GALNT17: variants seen among roughly 807,000 people sequenced by gnomAD.
GALNT17 encodes UDP-GalNAc:polypeptide N-acetylgalactosaminyltransferase-like 3.
GALNT17 carries 29 observed loss-of-function variants against 63.7 expected under a neutral mutation model. The ratio of observed to expected loss-of-function variants is 0.46; its 90% CI spans 0.34 to 0.62. The LOEUF (loss-of-function observed/expected upper bound fraction) is 0.62, where lower values mean the gene tolerates loss of function less well. Ranked by LOEUF, GALNT17 falls within the 20% of genes least tolerant of loss-of-function variation. The probability of loss-of-function intolerance (pLI) is 0.01; values close to 1 mark genes in which losing one functional copy is unlikely to be tolerated. For missense variants in GALNT17, 603 were observed against 799.6 expected (o/e 0.75, Z 2.97); for synonymous variants, 305 against 318.3 (o/e 0.96, Z 0.45).
intron 6 of GALNT17, among the ~76,000 whole-genome samples, chr7:71,596,189 C>A (rs2116926132): frequency 6.6e-6 from 1 of 152,228 alleles, no homozygotes; most frequent in East Asian, 1.9e-4. Flanking sequence ...CAGGTGCCCA[C>A]CACCACTCCC....
Position 71,137,201 on chromosome 7 carries a change from G to A in GALNT17, c.238+4161G>A, listed in dbSNP as rs185088600. Among the ~76,000 whole-genome samples the A allele has an allele frequency of 5.3e-3, 798 of 149,988 alleles. 10 individuals are homozygous for A. Among genetic ancestry groups the A allele is most frequent in the African/African-American group, 0.019 (757 of 40,696 alleles). Reference sequence around the variant, plus strand: ...GTCACCCAGGCTGGAGCGCAGTGGCGCGATCTCGGCTCACTGCAAGCTCCG... The same window carrying A: ...GTCACCCAGGCTGGAGCGCAGTGGCACGATCTCGGCTCACTGCAAGCTCCG... On this transcript the variant is annotated intron_variant, in intron 1 of 10. Coordinates refer to ENST00000333538, the MANE Select transcript of GALNT17 (RefSeq NM_022479.3).
At chr7:71,275,005 G>T (rs779061309) in intron 1 of GALNT17, among the ~76,000 whole-genome samples, 2 of 152,234 alleles carry the variant, frequency 1.3e-5, no homozygotes, top group South Asian at 2.1e-4. Flanking sequence ...TCACCATAGT[G>T]GGGGCTGAGG....
chr7:71,225,970 A>C (rs1312092446), intron 1 of GALNT17, among the ~76,000 whole-genome samples: 2 of 151,928 alleles, frequency 1.3e-5, no homozygotes, highest in Non-Finnish European at 1.5e-5. Flanking sequence ...AATTGTGTGT[A>C]TACATATGCA....
chr7:71,301,212 A>G (rs1791189888), intron 1 of GALNT17, among the ~76,000 whole-genome samples: 1 of 151,800 alleles, frequency 6.6e-6, no homozygotes, highest in Non-Finnish European at 1.5e-5. Flanking sequence ...CCTTCAGCCG[A>G]GGAGTTCGAG....
chr7:71,367,824 G>A (rs1313132366), intron 2 of GALNT17, among the ~76,000 whole-genome samples: 1 of 152,236 alleles, frequency 6.6e-6, no homozygotes, highest in South Asian at 2.1e-4. Context: ...AGAACAAGCT[G>A]CCATTGTTAA....
At chr7:71,465,031 T>C (rs1001381283) in intron 5 of GALNT17, among the ~76,000 whole-genome samples, 12 of 152,154 alleles carry the variant, frequency 7.9e-5, no homozygotes, top group Non-Finnish European at 1.6e-4. Flanking sequence ...AATATGAGCC[T>C]TAAGTTAATA....
chr7:71,711,024 G>C (rs940708609), intron 10 of GALNT17, 96 bp downstream of exon 10: 2 of 1,468,714 alleles, frequency 1.4e-6, no homozygotes, highest in Non-Finnish European at 1.8e-6. Context: ...CCCCAGCAAA[G>C]AGCGACCCCG....
At chr7:71,482,737 G>T (rs1053832964) in intron 5 of GALNT17, among the ~76,000 whole-genome samples, 1 of 152,140 alleles carries the variant, frequency 6.6e-6, no homozygotes, top group African/African-American at 2.4e-5. Context: ...TTAGCACTAG[G>T]GGCCGGTTTT....
chr7:71,669,892 C>T (rs1470477595), intron 7 of GALNT17, 80 bp from the exon 8 acceptor site: 1 of 1,557,124 alleles, frequency 6.4e-7, no homozygotes, highest in East Asian at 2.3e-5. Context: ...GAAGGTTTCC[C>T]TGAAAGTGAC....
intron 6 of GALNT17, 48 bp from the exon 7 acceptor site, chr7:71,665,363 G>A (rs1316773847): frequency 6.4e-7 from 1 of 1,563,394 alleles, no homozygotes; most frequent in Non-Finnish European, 8.6e-7. Context: ...AGGGGGCATA[G>A]CCTCTGGGAA....
chr7:71,665,641 T>G, intron 7 of GALNT17, 45 bp downstream of exon 7: 1 of 1,564,052 alleles, frequency 6.4e-7, no homozygotes, highest in Non-Finnish European at 8.6e-7. Context: ...ACAGTGATCC[T>G]TACTGTTTGA....
intron 6 of GALNT17, among the ~76,000 whole-genome samples, chr7:71,591,086 T>A (rs894884200): frequency 8.0e-5 from 12 of 149,648 alleles, no homozygotes; most frequent in Admixed American, 2.0e-4. Context: ...AGACGGAGTC[T>A]CGCTCTGTCT....
At chr7:71,473,025 C>T (rs1263045454) in intron 5 of GALNT17, among the ~76,000 whole-genome samples, 2 of 152,150 alleles carry the variant, frequency 1.3e-5, no homozygotes, top group Admixed American at 6.5e-5. Context: ...TGAATCAGTA[C>T]ATGGAAAGTA....
chr7:71,696,294 A>G (rs1791542505), intron 9 of GALNT17, among the ~76,000 whole-genome samples: 1 of 145,844 alleles, frequency 6.9e-6, no homozygotes, highest in Non-Finnish European at 1.5e-5. Context: ...TTTTATTTTT[A>G]TAGAGACGGT....
intron 1 of GALNT17, among the ~76,000 whole-genome samples, chr7:71,317,269 C>T (rs1010132539): frequency 2.0e-5 from 3 of 152,220 alleles, no homozygotes; most frequent in African/African-American, 7.2e-5. Flanking sequence ...AGGAATCTGC[C>T]TGGTCAGATG....
At chr7:71,303,897 G>A (rs1220153122) in intron 1 of GALNT17, among the ~76,000 whole-genome samples, 1 of 152,160 alleles carries the variant, frequency 6.6e-6, no homozygotes, top group Non-Finnish European at 1.5e-5. Context: ...CGCCTCCGGG[G>A]CAGCTGTAAG....
intron 5 of GALNT17, among the ~76,000 whole-genome samples, chr7:71,516,185 G>A (rs896961411): frequency 6.6e-6 from 1 of 152,106 alleles, no homozygotes; most frequent in Non-Finnish European, 1.5e-5. Context: ...TGTTGTCAGG[G>A]TGAAGGAGGC....
At chr7:71,250,066 C>A (rs1277739824) in intron 1 of GALNT17, among the ~76,000 whole-genome samples, 1 of 152,166 alleles carries the variant, frequency 6.6e-6, no homozygotes, top group African/African-American at 2.4e-5. Context: ...TTTTCAGCCA[C>A]AAATCATTAA....
At chr7:71,294,439 G>T (rs557884322) in intron 1 of GALNT17, among the ~76,000 whole-genome samples, 21 of 127,770 alleles carry the variant, frequency 1.6e-4, no homozygotes, top group Non-Finnish European at 3.0e-4. Context: ...TTTTGAGATG[G>T]AGTCTTGCTC....
Sources: gnomAD v4.1 joint callset for allele counts (sites outside exome capture counted in the v4.1 genomes callset) on GRCh38, gnomAD v4.1.1 for gene constraint, MANE v1.5 for transcripts, NCBI Gene and HGNC (gene_info 2026-07-23, HGNC 2026-07-21) for gene names.